The following TCF12 variants were observed in gnomAD, a reference collection of about 807,000 sequenced individuals.
The protein encoded by TCF12 is transcription factor 12, also known as DNA-binding protein HTF4.
In TCF12, 45 loss-of-function variants were observed where a neutral mutation model predicts 86.0. The ratio of observed to expected loss-of-function variants is 0.52; its 90% CI spans 0.41 to 0.67. TCF12 has a LOEUF of 0.67. TCF12 is among the 30% of genes least tolerant of loss of function. The probability of loss-of-function intolerance (pLI) is 0.00; values close to 1 mark genes in which losing one functional copy is unlikely to be tolerated. For missense variants in TCF12, 881 were observed against 859.9 expected (o/e 1.02, Z -0.31); for synonymous variants, 330 against 299.6 (o/e 1.10, Z -1.05).
At chr15:57,126,782 T>C (rs1272967007) in intron 5 of TCF12, among the ~76,000 whole-genome samples, 1 of 152,114 alleles carries the variant, frequency 6.6e-6, no homozygotes, top group Non-Finnish European at 1.5e-5. Context: ...ATGTTAATGT[T>C]TAATGGAAAT....
chr15:57,068,939 A>G (rs1224813644), intron 4 of TCF12, among the ~76,000 whole-genome samples: 1 of 152,144 alleles, frequency 6.6e-6, no homozygotes, highest in African/African-American at 2.4e-5. Context: ...CTGCTATTAT[A>G]TTGTTATTTA....
intron 3 of TCF12, among the ~76,000 whole-genome samples, 172 bp from the exon 4 acceptor site, chr15:57,063,578 G>A (rs1324144294): frequency 1.3e-5 from 2 of 152,178 alleles, no homozygotes; most frequent in Non-Finnish European, 1.5e-5. Context: ...GAGCAATGAT[G>A]AAGATACTTT....
chr15:57,037,653 T>C (rs1266794785), intron 3 of TCF12, among the ~76,000 whole-genome samples: 4 of 152,230 alleles, frequency 2.6e-5, no homozygotes, highest in African/African-American at 9.6e-5. Flanking sequence ...TCCGTTTCTT[T>C]GATTCTCTGA....
intron 3 of TCF12, among the ~76,000 whole-genome samples, chr15:56,990,799 CT>C (rs59425097): frequency 1.0e-4 from 15 of 148,366 alleles, no homozygotes; most frequent in African/African-American, 1.7e-4. Flanking sequence ...TTTTCTTTTT[CT>C]TTTTTTTTTT....
chr15:57,226,456 A>G (rs2591066), intron 8 of TCF12, among the ~76,000 whole-genome samples: 31,387 of 151,986 alleles, frequency 0.21, 3,459 homozygotes, highest in Non-Finnish European at 0.24. Context: ...GACCTTTCAC[A>G]TATTTGAGGC....
intron 8 of TCF12, among the ~76,000 whole-genome samples, chr15:57,205,132 A>G (rs2057748604): frequency 6.6e-6 from 1 of 151,918 alleles, no homozygotes; most frequent in African/African-American, 2.4e-5. Flanking sequence ...AGCCAACATA[A>G]TGGAACCCCG....
intron 8 of TCF12, among the ~76,000 whole-genome samples, chr15:57,203,474 GGA>G (rs879836373): frequency 2.6e-5 from 4 of 152,124 alleles, no homozygotes; most frequent in Admixed American, 6.5e-5. Flanking sequence ...GTAAATACCT[GGA>G]GAGATTTGAA....
At chr15:57,204,751 A>G (rs529397261) in intron 8 of TCF12, among the ~76,000 whole-genome samples, 8 of 143,430 alleles carry the variant, frequency 5.6e-5, no homozygotes, top group African/African-American at 2.2e-4. Context: ...GAGGGTGTCT[A>G]AACTGAAGAT....
intron 8 of TCF12, among the ~76,000 whole-genome samples, chr15:57,210,127 C>G (rs1041732682): frequency 6.6e-6 from 1 of 151,798 alleles, no homozygotes; most frequent in African/African-American, 2.4e-5. Flanking sequence ...TCTGTGTTAC[C>G]CAGGAGCAAC....
intron 3 of TCF12, among the ~76,000 whole-genome samples, chr15:56,976,004 A>C (rs2062575008): frequency 6.6e-6 from 1 of 151,942 alleles, no homozygotes. Context: ...AGCAGGAATA[A>C]AGATGATATT....
chr15:57,002,521 G>A (rs548283349), intron 3 of TCF12, among the ~76,000 whole-genome samples: 1 of 152,272 alleles, frequency 6.6e-6, no homozygotes, highest in Admixed American at 6.5e-5. Flanking sequence ...TATGTTGATT[G>A]ACTATAATTA....
intron 3 of TCF12, among the ~76,000 whole-genome samples, chr15:56,995,716 GTA>G (rs1270417058): frequency 1.3e-5 from 2 of 151,978 alleles, no homozygotes; most frequent in African/African-American, 4.8e-5. Context: ...GGTTTTTTAG[GTA>G]TAGAATCATG....
chr15:57,072,261 T>G (rs1414914404), intron 4 of TCF12, among the ~76,000 whole-genome samples: 3 of 152,216 alleles, frequency 2.0e-5, no homozygotes, highest in Admixed American at 2.0e-4. Flanking sequence ...TAAAATCATG[T>G]AGACTCACTT....
chr15:57,224,670 A>T (rs1305548932), intron 8 of TCF12, among the ~76,000 whole-genome samples: 1 of 152,144 alleles, frequency 6.6e-6, no homozygotes. Context: ...ATGTCTCTGG[A>T]AGTTTTTGGA....
At chr15:57,112,214 T>G (rs1314528693) in intron 5 of TCF12, among the ~76,000 whole-genome samples, 1 of 151,886 alleles carries the variant, frequency 6.6e-6, no homozygotes, top group African/African-American at 2.4e-5. Context: ...GGCCTGGGGG[T>G]GGGAATATCC....
intron 19 of TCF12, among the ~76,000 whole-genome samples, chr15:57,275,739 T>C (rs2061371393): frequency 6.6e-6 from 1 of 152,082 alleles, no homozygotes; most frequent in East Asian, 1.9e-4. Flanking sequence ...GCACTCTGGC[T>C]CCCCTTCTGA....
chr15:56,959,618 C>G (rs2061655972), intron 3 of TCF12, among the ~76,000 whole-genome samples: 1 of 152,050 alleles, frequency 6.6e-6, no homozygotes. Flanking sequence ...CTTTTTTTCT[C>G]AAAGAGTCTA....
intron 8 of TCF12, among the ~76,000 whole-genome samples, chr15:57,227,547 A>T (rs1391841113): frequency 6.6e-6 from 1 of 152,146 alleles, no homozygotes. Flanking sequence ...ATCCCTTTTT[A>T]AAAGTTGCTT....
chr15:57,061,880 T>A (rs554265376), intron 3 of TCF12, among the ~76,000 whole-genome samples: 1 of 152,332 alleles, frequency 6.6e-6, no homozygotes, highest in South Asian at 2.1e-4. Context: ...GCTGCTATTC[T>A]ACAGTGTTGG....
Sources: gnomAD v4.1 joint callset for allele counts (sites outside exome capture counted in the v4.1 genomes callset) on GRCh38, gnomAD v4.1.1 for gene constraint, MANE v1.5 for transcripts, NCBI Gene and HGNC (gene_info 2026-07-23, HGNC 2026-07-21) for gene names.